The following TRIM24 variants were observed in gnomAD, a reference collection of about 807,000 sequenced individuals.
TRIM24 encodes tripartite motif containing 24.
In TRIM24, 29 loss-of-function variants were observed where a neutral mutation model predicts 123.9. The ratio of observed to expected loss-of-function variants is 0.23; its 90% confidence interval spans 0.17 to 0.32. The LOEUF (loss-of-function observed/expected upper bound fraction) is 0.32. Ranked by LOEUF, TRIM24 falls within the 10% of genes least tolerant of loss-of-function variation. The pLI is 1.00. For synonymous variants in TRIM24, 456 were observed against 461.1 expected, an observed-to-expected ratio of 0.99 and a Z score of 0.14; for missense variants, 932 against 1,295.3, an observed-to-expected ratio of 0.72 and a Z score of 4.31.
intron 8 of TRIM24, among the ~76,000 whole-genome samples, chr7:138,552,518 G>C (rs1248958471): frequency 6.6e-6 from 1 of 151,990 alleles, no homozygotes; most frequent in Non-Finnish European, 1.5e-5. Flanking sequence ...CACATTGTCT[G>C]TTTATCAACA....
intron 1 of TRIM24, chr7:138,490,710 T>C (rs1795762155): frequency 1.1e-5 from 5 of 458,176 alleles, no homozygotes; most frequent in South Asian, 8.4e-5. Flanking sequence ...AAACCTGGGC[T>C]TCTTCAGCAT....
chr7:138,524,952 A>G (rs1000832921), intron 4 of TRIM24, among the ~76,000 whole-genome samples: 5 of 152,036 alleles, frequency 3.3e-5, no homozygotes, highest in Non-Finnish European at 7.4e-5. Context: ...ATAATTGACT[A>G]TTTTTTGCCA....
intron 7 of TRIM24, among the ~76,000 whole-genome samples, chr7:138,541,625 T>C (rs1797007048): frequency 1.3e-5 from 2 of 152,306 alleles, no homozygotes; most frequent in East Asian, 1.9e-4. Flanking sequence ...TCAATGAGCA[T>C]TGGCTTCAAT....
intron 2 of TRIM24, among the ~76,000 whole-genome samples, chr7:138,513,805 C>T (rs1256682469): frequency 6.6e-6 from 1 of 152,154 alleles, no homozygotes; most frequent in Non-Finnish European, 1.5e-5. Context: ...TGTTTTATTT[C>T]ATTTTATGTA....
chr7:138,534,723 A>G (rs13225433), intron 6 of TRIM24, among the ~76,000 whole-genome samples: 1 of 152,164 alleles, frequency 6.6e-6, no homozygotes, highest in Middle Eastern at 3.2e-3. Context: ...GTAGATATCT[A>G]TTAGGTCTGC....
intron 1 of TRIM24, 148 bp downstream of exon 1, chr7:138,461,060 G>A (rs1399243105): frequency 2.3e-6 from 2 of 871,930 alleles, no homozygotes; most frequent in African/African-American, 3.4e-5. Context: ...GCTGGCGACG[G>A]TGACATGGAG....
rs191514367 is a variant in TRIM24, at chr7:138,568,416, T to A, written c.1704+762T>A. On this transcript the variant is annotated intron_variant, in intron 10 of 18. Transcript: ENST00000343526. ...TTTTTTTTTTTTTTTTTTTAAAGTC[T>A]CTCTCTGTCACTCAGGCTAGAGTAC... Among the ~76,000 whole-genome samples, 849 of 133,230 alleles carry A rather than the reference T, an allele frequency of 6.4e-3. 11 individuals are homozygous for A. The highest frequency in any genetic ancestry group is 0.03 in the South Asian group (116 of 3,884). The allele number at this position is 133,230 out of a possible 152,430, so 87.4% of individuals were successfully genotyped here. A position where few individuals can be genotyped will look rare whatever the true frequency, so the allele number is the denominator to read the frequency against.
chr7:138,585,172 A>G lies in TRIM24; in HGVS notation c.*221A>G, dbSNP rs1584753215. On this transcript the variant is annotated 3_prime_UTR_variant, in exon 19 of 19. Transcript: ENST00000343526. ...GAGATGAATAGAAGAAAGAAAATGG[A>G]AAGAAGGAAAAAAGGAGGATAGAAA... 2.7e-6 allele frequency: 1 copy of G among 365,730 alleles called. No homozygotes were observed. Among genetic ancestry groups the G allele is most frequent in the East Asian group, 4.3e-5 (1 of 23,392 alleles). 22.7% of individuals were successfully genotyped at this position (365,730 alleles called of 1,614,324 possible). A position where few individuals can be genotyped will look rare whatever the true frequency, so the allele number is the denominator to read the frequency against.
chr7:138,555,907 T>C lies in TRIM24; in HGVS notation c.1530+941T>C, dbSNP rs118125206. Among the ~76,000 whole-genome samples, 655 of 152,336 alleles carry C rather than the reference T, an allele frequency of 4.3e-3. 4 individuals are homozygous for C. The highest frequency in any genetic ancestry group is 7.4e-3 in the Non-Finnish European group (506 of 68,044). On this transcript the variant is annotated intron_variant, in intron 9 of 18. Coordinates refer to ENST00000343526, the MANE Select transcript of TRIM24 (RefSeq NM_015905.3). ...TCTTACCAGACCATAAGCATCTTCA[T>C]GGCATGGTCGACATCTTACATACCG...
At chr7:138,545,517 T>C (rs1399857813) in intron 7 of TRIM24, 5 of 456,888 alleles carry the variant, frequency 1.1e-5, no homozygotes, top group Admixed American at 9.4e-5. Context: ...CCCAAAGATG[T>C]GTTGGATTGG....
intron 1 of TRIM24, among the ~76,000 whole-genome samples, chr7:138,502,976 A>G (rs1401847584): frequency 6.6e-6 from 1 of 152,120 alleles, no homozygotes; most frequent in Non-Finnish European, 1.5e-5. Flanking sequence ...TTTTCTTGTG[A>G]AAGTTTTATA....
intron 7 of TRIM24, 60 bp downstream of exon 7, chr7:138,538,863 T>C (rs1796945979): frequency 1.5e-5 from 22 of 1,421,332 alleles, no homozygotes; most frequent in Non-Finnish European, 2.0e-5. Context: ...AATGGAGCCA[T>C]TGTAATGCTT....
intron 7 of TRIM24, among the ~76,000 whole-genome samples, chr7:138,543,631 C>T (rs899655245): frequency 2.0e-5 from 3 of 152,064 alleles, no homozygotes. Flanking sequence ...TTATATTTTA[C>T]TATATATTTA....
At chr7:138,528,597 A>G (rs1796661151) in intron 5 of TRIM24, among the ~76,000 whole-genome samples, 1 of 152,080 alleles carries the variant, frequency 6.6e-6, no homozygotes, top group Non-Finnish European at 1.5e-5. Context: ...CTAATTTTGC[A>G]AAGAATGGGT....
intron 1 of TRIM24, among the ~76,000 whole-genome samples, chr7:138,494,945 G>A (rs920833396): frequency 1.3e-5 from 2 of 152,144 alleles, no homozygotes; most frequent in Admixed American, 1.3e-4. Context: ...ACTGGTTGAG[G>A]TACATACCAT....
At chr7:138,499,824 A>G (rs1795996527) in intron 1 of TRIM24, among the ~76,000 whole-genome samples, 1 of 150,564 alleles carries the variant, frequency 6.6e-6, no homozygotes, top group African/African-American at 2.4e-5. Flanking sequence ...TTTTTCCTTT[A>G]ACCTCTCTCT....
intron 1 of TRIM24, among the ~76,000 whole-genome samples, chr7:138,462,789 C>T (rs1165813474): frequency 1.3e-5 from 2 of 152,120 alleles, no homozygotes; most frequent in East Asian, 1.9e-4. Flanking sequence ...TCAGATCCTT[C>T]GCAGTAGTTT....
At chr7:138,580,741 A>G in intron 16 of TRIM24, 47 bp downstream of exon 16, 1 of 1,554,598 alleles carries the variant, frequency 6.4e-7, no homozygotes, top group Non-Finnish European at 8.7e-7. Flanking sequence ...GCAATATTGT[A>G]CTGTGGTACC....
chr7:138,583,817 T>C (rs1436346918), intron 17 of TRIM24, 33 bp from the exon 18 acceptor site: 4 of 1,406,622 alleles, frequency 2.8e-6, no homozygotes, highest in Non-Finnish European at 2.9e-6. Context: ...GGAATTTAGC[T>C]ATTTGTATTA....
Sources: allele counts gnomAD v4.1 joint callset (sites outside exome capture counted in the v4.1 genomes callset), GRCh38; gene constraint gnomAD v4.1.1; transcripts MANE v1.5; gene names NCBI Gene and HGNC (gene_info 2026-07-23, HGNC 2026-07-21).